Variants in FRMD5 observed in about 807,000 individuals in gnomAD.
The protein encoded by FRMD5 is FERM domain containing 5.
FRMD5 carries 20 observed loss-of-function variants against 69.0 expected under a neutral mutation model. That is an observed-to-expected ratio of 0.29 (90% CI 0.20 to 0.42). The LOEUF (loss-of-function observed/expected upper bound fraction) is 0.42, where lower values mean the gene tolerates loss of function less well. FRMD5 is among the 10% of genes least tolerant of loss of function. The pLI, the probability that FRMD5 is intolerant of heterozygous loss-of-function variation, is 1.00. For missense variants in FRMD5, 595 were observed against 708.6 expected, an observed-to-expected ratio of 0.84 and a Z score of 1.82; for synonymous variants, 271 against 260.1, an observed-to-expected ratio of 1.04 and a Z score of -0.40.
chr15:44,103,198 C>A (rs1224664694), intron 1 of FRMD5, among the ~76,000 whole-genome samples: 1 of 152,146 alleles, frequency 6.6e-6, no homozygotes, highest in Non-Finnish European at 1.5e-5. Flanking sequence ...CCACTTGACT[C>A]ATTAGCTGCA....
Position 43,901,599 on chromosome 15 carries a change from G to C in FRMD5, c.639+576C>G, listed in dbSNP as rs929402215. Among the ~76,000 whole-genome samples the C allele has an allele frequency of 2.6e-5, 4 of 152,224 alleles. No individual in the cohort carries two copies. The East Asian group carries it at 7.7e-4, about 29-fold the overall frequency. On this transcript the variant is annotated intron_variant, in intron 7 of 13. Coordinates refer to ENST00000417257, the MANE Select transcript of FRMD5 (RefSeq NM_032892.5). ...AGAGAGAGACTGGAAGGGGCCATGG[G>C]TCTGCACAGGCCTCGGCAGTGACTG...
intron 1 of FRMD5, among the ~76,000 whole-genome samples, chr15:43,986,148 G>A (rs1001420132): frequency 2.0e-5 from 3 of 152,196 alleles, no homozygotes; most frequent in Non-Finnish European, 4.4e-5. Context: ...TGTGTATCAC[G>A]ATCAGTGACA....
chr15:43,980,349 T>A (rs2090529427), intron 1 of FRMD5, among the ~76,000 whole-genome samples: 1 of 152,220 alleles, frequency 6.6e-6, no homozygotes, highest in Admixed American at 6.5e-5. Context: ...GGAGATATCC[T>A]TAACATCATT....
At chr15:44,005,145 G>A (rs1250803735) in intron 1 of FRMD5, among the ~76,000 whole-genome samples, 2 of 152,180 alleles carry the variant, frequency 1.3e-5, no homozygotes, top group African/African-American at 4.8e-5. Context: ...GAGGTTTAAG[G>A]AAAGAAGCCA....
At chr15:44,049,145 G>A (rs991138819) in intron 1 of FRMD5, among the ~76,000 whole-genome samples, 1 of 152,182 alleles carries the variant, frequency 6.6e-6, no homozygotes, top group Admixed American at 6.5e-5. Flanking sequence ...ATCCACAGAT[G>A]ATATGCAATC....
Position 43,892,086 on chromosome 15 carries a change from C to A in FRMD5, c.640-17G>T. The A allele has an allele frequency of 6.2e-7, 1 of 1,610,824 alleles. No homozygotes were observed. On this transcript the variant is annotated splice_polypyrimidine_tract_variant and intron_variant, in intron 7 of 13. Transcript: ENST00000417257. ...TGACACGTCCTGCAACACAGAAAGA[C>A]TTCTCATCGGGTGATGCAGGCACAG...
chr15:44,114,194 G>A (rs1043458097), intron 1 of FRMD5, among the ~76,000 whole-genome samples: 1 of 152,182 alleles, frequency 6.6e-6, no homozygotes, highest in Non-Finnish European at 1.5e-5. Flanking sequence ...TTTTTAGAAA[G>A]AAGGAGGGGG....
intron 1 of FRMD5, among the ~76,000 whole-genome samples, chr15:43,999,967 T>TATCTTCAGCCATGC (rs1555392744): frequency 2.4e-5 from 1 of 42,024 alleles, no homozygotes. Flanking sequence ...TATATATATA[T>TATCTTCAGCCATGC]ATATATATAT....
chr15:43,884,805 G>T lies in FRMD5; in HGVS notation c.960-10C>A, dbSNP rs758771201. 1.2e-6 allele frequency: 2 copies of T among 1,612,840 alleles called. No homozygotes were observed. Among genetic ancestry groups the T allele is most frequent in the Non-Finnish European group, 1.7e-6 (2 of 1,178,990 alleles). ...CTTTGCAACTCGGCCACTGTAAGTA[G>T]TGTAATAAAAACAAGCAGCAAGAAA... is the stretch of plus-strand genomic sequence containing the variant. On this transcript the variant is annotated splice_polypyrimidine_tract_variant and intron_variant, in intron 11 of 13. Transcript: ENST00000417257.
At chr15:43,969,319 C>T (rs993712203) in intron 1 of FRMD5, among the ~76,000 whole-genome samples, 12 of 152,032 alleles carry the variant, frequency 7.9e-5, no homozygotes, top group Admixed American at 5.9e-4. Flanking sequence ...TGGGCTCAAG[C>T]GATCCTCCCA....
chr15:44,142,102 G>T (rs8039970), intron 1 of FRMD5, among the ~76,000 whole-genome samples: 11,569 of 152,064 alleles, frequency 0.076, 1,296 homozygotes, highest in African/African-American at 0.24. Flanking sequence ...TCTATAGAAG[G>T]CTTCATCCAA....
At chr15:44,178,957 A>T (rs1230132126) in intron 1 of FRMD5, among the ~76,000 whole-genome samples, 3 of 151,796 alleles carry the variant, frequency 2.0e-5, no homozygotes, top group Non-Finnish European at 2.9e-5. Context: ...GCACCACTGT[A>T]CTCCAGCCTG....
chr15:44,048,442 T>C (rs921454359), intron 1 of FRMD5, among the ~76,000 whole-genome samples: 2 of 152,222 alleles, frequency 1.3e-5, no homozygotes, highest in African/African-American at 2.4e-5. Flanking sequence ...GAGTTCTTCA[T>C]ATATTCTGGA....
chr15:44,014,049 G>T (rs1047356797), intron 1 of FRMD5, among the ~76,000 whole-genome samples: 1 of 151,862 alleles, frequency 6.6e-6, no homozygotes, highest in African/African-American at 2.4e-5. Context: ...GTAGAGATGG[G>T]GTTTCACCGT....
At chr15:44,146,154 C>A (rs2077351924) in intron 1 of FRMD5, among the ~76,000 whole-genome samples, 1 of 152,088 alleles carries the variant, frequency 6.6e-6, no homozygotes, top group Non-Finnish European at 1.5e-5. Flanking sequence ...CTCTCCCTTC[C>A]CTTGCCATCC....
chr15:44,011,770 G>A lies in FRMD5; in HGVS notation c.103-87461C>T, dbSNP rs1038366910. On this transcript the variant is annotated intron_variant, in intron 1 of 13. Coordinates refer to ENST00000417257, the MANE Select transcript of FRMD5 (RefSeq NM_032892.5). ...CATCAAAGAAGGAATCATCAGAGCA[G>A]TAATCTGAGAATCAGCAGACTGTCA... Among the ~76,000 whole-genome samples, 3 of 152,204 alleles carry A rather than the reference G, an allele frequency of 2.0e-5. No homozygotes were observed. In the South Asian group the frequency reaches 6.2e-4, roughly 32 times the overall value.
chr15:43,878,706 G>GC (rs2140341376), intron 13 of FRMD5, among the ~76,000 whole-genome samples: 1 of 152,232 alleles, frequency 6.6e-6, no homozygotes, highest in African/African-American at 2.4e-5. Flanking sequence ...TCAAAGGCCT[G>GC]CCCCTTCATG....
intron 1 of FRMD5, among the ~76,000 whole-genome samples, chr15:44,093,781 C>G (rs1386187391): frequency 6.6e-6 from 1 of 151,766 alleles, no homozygotes; most frequent in African/African-American, 2.4e-5. Flanking sequence ...ACCATGTTAG[C>G]CAGGATGGTC....
chr15:44,105,086 C>CTTTTTTTTT (rs71299549), intron 1 of FRMD5, among the ~76,000 whole-genome samples: 1 of 136,934 alleles, frequency 7.3e-6, no homozygotes, highest in Non-Finnish European at 1.5e-5. Context: ...AAATTCTTTT[C>CTTTTTTTTT]TTTTTTTTTT....
Sources: gnomAD v4.1 joint callset for allele counts (sites outside exome capture counted in the v4.1 genomes callset) on GRCh38, gnomAD v4.1.1 for gene constraint, MANE v1.5 for transcripts, NCBI Gene and HGNC (gene_info 2026-07-23, HGNC 2026-07-21) for gene names.